The following SLC26A11 variants were observed in gnomAD, a reference collection of about 807,000 sequenced individuals.
SLC26A11 encodes solute carrier family 26 member 11, also known as sodium-independent sulfate anion transporter.
Under a neutral mutation model 62.2 loss-of-function variants are expected in SLC26A11, and 58 were observed. That is an observed-to-expected ratio of 0.93 (90% confidence interval 0.76 to 1.16). SLC26A11 has a LOEUF of 1.16. SLC26A11 is among the 50% of genes most tolerant of loss of function. The pLI is 0.00. For missense variants in SLC26A11, 790 were observed against 794.3 expected, an observed-to-expected ratio of 0.99 and a Z score of 0.06; for synonymous variants, 411 against 368.9, an observed-to-expected ratio of 1.11 and a Z score of -1.31.
At chr17:80,248,971 T>A (rs866089414) in intron 15 of SLC26A11, among the ~76,000 whole-genome samples, 183 bp from the exon 16 acceptor site, 1 of 152,164 alleles carries the variant, frequency 6.6e-6, no homozygotes, top group Non-Finnish European at 1.5e-5. Context: ...CAGCTGCTGC[T>A]GTCACCAAAC....
chr17:80,243,722 A>C (rs960667687), intron 10 of SLC26A11, among the ~76,000 whole-genome samples: 1 of 152,230 alleles, frequency 6.6e-6, no homozygotes, highest in Non-Finnish European at 1.5e-5. Flanking sequence ...TAAAAATACC[A>C]CAGATCTATT....
intron 13 of SLC26A11, among the ~76,000 whole-genome samples, chr17:80,247,798 A>G (rs2043048230): frequency 1.3e-5 from 2 of 152,130 alleles, no homozygotes; most frequent in South Asian, 2.1e-4. Context: ...CTCCTTGGCC[A>G]GGTCTCAAGG....
At chr17:80,237,308 G>C (rs770637212) in intron 8 of SLC26A11, 7 of 769,654 alleles carry the variant, frequency 9.1e-6, no homozygotes, top group Non-Finnish European at 1.4e-5. Flanking sequence ...TTGTGTTCAG[G>C]GGCGCTTCTC....
rs1336024868 is a variant in SLC26A11, at chr17:80,253,261, A to G, written c.*545A>G. Reference sequence around the variant, plus strand: ...AAGTGATAGCTTTGGTGATTTTGTAAAAGTCATAAATGCTTATTGTAAAAA... The same window carrying G: ...AAGTGATAGCTTTGGTGATTTTGTAGAAGTCATAAATGCTTATTGTAAAAA... On this transcript the variant is annotated 3_prime_UTR_variant, in exon 18 of 18. Coordinates refer to ENST00000361193, the MANE Select transcript of SLC26A11 (RefSeq NM_001166347.2). 1 of 152,918 alleles carries G rather than the reference A, an allele frequency of 6.5e-6. No homozygotes were observed. Among genetic ancestry groups the G allele is most frequent in the African/African-American group, 2.4e-5 (1 of 41,438 alleles). 9.5% of individuals were successfully genotyped at this position (152,918 alleles called of 1,614,324 possible).
intron 6 of SLC26A11, among the ~76,000 whole-genome samples, chr17:80,226,425 A>G (rs1223902675): frequency 6.6e-6 from 1 of 152,196 alleles, no homozygotes; most frequent in Middle Eastern, 3.4e-3. Flanking sequence ...TGATGGCCGG[A>G]CACTGTGGCT....
chr17:80,246,024 G>T lies in SLC26A11; in HGVS notation c.1098-130G>T. On this transcript the variant is annotated intron_variant, in intron 11 of 17. Coordinates refer to ENST00000361193, the MANE Select transcript of SLC26A11 (RefSeq NM_001166347.2). This position sits in a 1 kb window ranked among gnomAD's most constrained non-coding sequence, Gnocchi z 4.4. The stretch of plus-strand genomic sequence containing the variant: ...TAAGTCTCTTTGCCTCGGTCCCCTT[G>T]CAGTCCCCGCCTGCTTCCCAAGCCG... The T allele has an allele frequency of 9.1e-7, 1 of 1,095,974 alleles. No homozygotes were observed. 67.9% of individuals were successfully genotyped at this position (1,095,974 alleles called of 1,614,324 possible). A position where few individuals can be genotyped will look rare whatever the true frequency, so the allele number is the denominator to read the frequency against.
Position 80,221,604 on chromosome 17 carries a change from G to C in SLC26A11, c.44G>C (p.Gly15Ala), listed in dbSNP as rs774697312. Reference protein sequence around the residue: ...VTALGQARSSGPGMAPSACCC... With the variant: ...VTALGQARSSAPGMAPSACCC... ...GCGCTGGGTCAGGCCAGGTCCTCTG[G>C]CCCCGGGATGGCCCCGAGCGCCTGC... Residue 15 changes from glycine to alanine, a missense_variant, in exon 3 of 18, where the codon GGC becomes GCC. Coordinates refer to ENST00000361193, the MANE Select transcript of SLC26A11 (RefSeq NM_001166347.2). The C allele has an allele frequency of 6.2e-7, 1 of 1,606,990 alleles. No individual in the cohort carries two copies. Among genetic ancestry groups the C allele is most frequent in the Non-Finnish European group, 8.5e-7 (1 of 1,179,514 alleles).
chr17:80,237,519 C>T lies in SLC26A11; in HGVS notation c.913-3C>T, dbSNP rs2042731862. On this transcript the variant is annotated splice_polypyrimidine_tract_variant and splice_region_variant and intron_variant, in intron 8 of 17. Transcript: ENST00000361193. Reference sequence around the variant, plus strand: ...CACTCACCATCCCTCTCTCCTCTCTCAGGACATGGGAGCCGGGCTGGCCGT... The same window carrying T: ...CACTCACCATCCCTCTCTCCTCTCTTAGGACATGGGAGCCGGGCTGGCCGT... 9 of 1,609,196 alleles carry T rather than the reference C, an allele frequency of 5.6e-6. No homozygotes were observed. The African/African-American group carries it at 1.1e-4, about 19-fold the overall frequency.
chr17:80,224,446 T>TGCGG (rs1204410947), intron 5 of SLC26A11, among the ~76,000 whole-genome samples: 1 of 124,234 alleles, frequency 8.0e-6, no homozygotes, highest in African/African-American at 4.5e-5. Context: ...GGTGTGAGAG[T>TGCGG]GTGAGTGTGA....
intron 6 of SLC26A11, among the ~76,000 whole-genome samples, chr17:80,227,203 T>C (rs557682745): frequency 4.6e-5 from 7 of 152,306 alleles, no homozygotes; most frequent in South Asian, 2.1e-4. Context: ...AAAAAAATCA[T>C]TGAAAGAACT....
At chr17:80,249,624 G>A (rs1052614665) in intron 16 of SLC26A11, among the ~76,000 whole-genome samples, 1 of 152,206 alleles carries the variant, frequency 6.6e-6, no homozygotes, top group Admixed American at 6.5e-5. Context: ...AGACAGGTGA[G>A]GCTAGGCGTG....
At position 80,241,803 on chromosome 17, in the gene SLC26A11, C is replaced by A; in HGVS notation, c.1018C>A (p.Gln340Lys). 1 of 1,614,170 alleles carries A rather than the reference C, an allele frequency of 6.2e-7. No individual in the cohort carries two copies. Among genetic ancestry groups the A allele is most frequent in the Non-Finnish European group, 8.5e-7 (1 of 1,180,034 alleles). Residue 340 changes from glutamine to lysine, a missense_variant, in exon 10 of 18, where the codon CAG becomes AAG. Physicochemically the swap from Gln to Lys is moderately conservative, Grantham distance 53 (BLOSUM62 1). Transcript: ENST00000361193. ...GAATAATTACCGCATCGATGCCAACCAGGAGCTGCTGGCCATCGGTAAGAC... is the reference window on the plus strand; with the variant it reads ...GAATAATTACCGCATCGATGCCAACAAGGAGCTGCTGGCCATCGGTAAGAC... ...SQNNYRIDANQELLAIGLTNM... is the reference protein window; with the variant it reads ...SQNNYRIDANKELLAIGLTNM...
intron 10 of SLC26A11, among the ~76,000 whole-genome samples, chr17:80,244,792 A>G (rs529944436): frequency 6.6e-6 from 1 of 152,224 alleles, no homozygotes; most frequent in African/African-American, 2.4e-5. Flanking sequence ...CCTGGCCAAC[A>G]TGGCAAAACT....
At chr17:80,249,576 C>G (rs923371711) in intron 16 of SLC26A11, among the ~76,000 whole-genome samples, 6 of 152,160 alleles carry the variant, frequency 3.9e-5, no homozygotes, top group Non-Finnish European at 5.9e-5. Context: ...AGGGTCAGTC[C>G]CTGCTCTCAG....
chr17:80,252,877 G>A lies in SLC26A11; in HGVS notation c.*161G>A, dbSNP rs894614147. 1.6e-6 allele frequency: 1 copy of A among 608,674 alleles called. No homozygotes were observed. The highest frequency in any genetic ancestry group is 3.1e-5 in the Admixed American group (1 of 32,562). The allele number at this position is 608,674 out of a possible 1,614,324, so 37.7% of individuals were successfully genotyped here. A position where few individuals can be genotyped will look rare whatever the true frequency, so the allele number is the denominator to read the frequency against. On this transcript the variant is annotated 3_prime_UTR_variant, in exon 18 of 18. Transcript: ENST00000361193. The surrounding 1 kb of genome is among the most constrained non-coding windows in gnomAD (Gnocchi z 5.2). ...AAGGAAGCCAGGCCTGGAGGTCCAC[G>A]GCAGTGGGAGTGGGGCTCACTGGCT...
Position 80,223,436 on chromosome 17 carries a change from C to G in SLC26A11, c.513+99C>G. The G allele has an allele frequency of 9.1e-7, 1 of 1,095,880 alleles. No homozygotes were observed. Among genetic ancestry groups the G allele is most frequent in the East Asian group, 2.5e-5 (1 of 39,372 alleles). The allele number at this position is 1,095,880 out of a possible 1,614,324, so 67.9% of individuals were successfully genotyped here. Reference sequence around the variant, plus strand: ...TGAGGCCAGTCCTGATCCCTGTGGCCAGTGGACGTCTTGCTGTTTCAGATT... The same window carrying G: ...TGAGGCCAGTCCTGATCCCTGTGGCGAGTGGACGTCTTGCTGTTTCAGATT... On this transcript the variant is annotated intron_variant, in intron 5 of 17. Coordinates refer to ENST00000361193, the MANE Select transcript of SLC26A11 (RefSeq NM_001166347.2). This position sits in a 1 kb window ranked among gnomAD's most constrained non-coding sequence, Gnocchi z 4.6.
chr17:80,220,848 C>T, intron 1 of SLC26A11, 68 bp from the exon 2 acceptor site: 1 of 153,470 alleles, frequency 6.5e-6, no homozygotes, highest in Non-Finnish European at 1.5e-5. Flanking sequence ...CGGCTCTGCG[C>T]GCGGGCGCCG....
chr17:80,223,090 C>A lies in SLC26A11; in HGVS notation c.428-162C>A. 1.3e-6 allele frequency: 1 copy of A among 760,604 alleles called. No individual in the cohort carries two copies. Among genetic ancestry groups the A allele is most frequent in the Non-Finnish European group, 2.2e-6 (1 of 454,638 alleles). 47.1% of individuals were successfully genotyped at this position (760,604 alleles called of 1,614,324 possible). On this transcript the variant is annotated intron_variant, in intron 4 of 17. Coordinates refer to ENST00000361193, the MANE Select transcript of SLC26A11 (RefSeq NM_001166347.2). This position sits in a 1 kb window ranked among gnomAD's most constrained non-coding sequence, Gnocchi z 4.6. ...CTCAGACCCCAGTCTCCCTTTTCTG[C>A]TCTCCAAAAACAGCCAAACAGGGTG...
rs374680442 is a variant in SLC26A11 at position 80,223,273 on chromosome 17, C to G, written c.449C>G (p.Ser150Cys). The G allele has an allele frequency of 5.0e-6, 8 of 1,614,168 alleles. No homozygotes were observed. The highest frequency in any genetic ancestry group is 6.8e-6 in the Non-Finnish European group (8 of 1,180,026). The change falls in exon 5 of 18, where the codon TCC becomes TGC. Residue 150 changes from serine (S) to cysteine (C), a missense_variant. Ser to Cys is a moderately radical substitution (Grantham distance 112, BLOSUM62 -1). Transcript: ENST00000361193. This position sits in a 1 kb window ranked among gnomAD's most constrained non-coding sequence, Gnocchi z 4.6. ...LRLGFLLDFI[S>C]YPVIKGFTSA... ...CCAGGGTTCCTGCTGGACTTCATTT[C>G]CTACCCCGTCATTAAAGGCTTCACC...
Sources: gnomAD v4.1 joint callset for allele counts (sites outside exome capture counted in the v4.1 genomes callset) on GRCh38, gnomAD v4.1.1 for gene constraint, Gnocchi (gnomAD v3.1) non-coding constraint, MANE v1.5 for transcripts, NCBI Gene and HGNC (gene_info 2026-07-23, HGNC 2026-07-21) for gene names.